Variants in KCNH8 observed in about 807,000 individuals in gnomAD.
The protein encoded by KCNH8 is potassium voltage-gated channel subfamily H member 8.
In KCNH8, 70 loss-of-function variants were observed where a neutral mutation model predicts 103.6. The observed-to-expected ratio is 0.68, with a 90% confidence interval of 0.56 to 0.82. The LOEUF (loss-of-function observed/expected upper bound fraction) is 0.82. Ranked by LOEUF, KCNH8 falls within the 40% of genes least tolerant of loss-of-function variation. The pLI, the probability that KCNH8 is intolerant of heterozygous loss-of-function variation, is 0.00. For synonymous variants in KCNH8, 498 were observed against 489.4 expected (o/e 1.02, Z -0.23); for missense variants, 1,217 against 1,329.9 (o/e 0.92, Z 1.32).
chr3:19,499,433 C>G (rs995697477), intron 11 of KCNH8, among the ~76,000 whole-genome samples: 20 of 152,202 alleles, frequency 1.3e-4, no homozygotes, highest in Admixed American at 5.9e-4. Flanking sequence ...TCAGGAAATA[C>G]AGAGAACACC....
chr3:19,181,999 G>T (rs1384478959), intron 1 of KCNH8, among the ~76,000 whole-genome samples: 1 of 151,990 alleles, frequency 6.6e-6, no homozygotes, highest in Non-Finnish European at 1.5e-5. Context: ...AAATTCCTGG[G>T]TATCTATAAC....
At chr3:19,151,372 G>A (rs2063127928) in intron 1 of KCNH8, among the ~76,000 whole-genome samples, 1 of 151,972 alleles carries the variant, frequency 6.6e-6, no homozygotes, top group Non-Finnish European at 1.5e-5. Context: ...GTAATATGCT[G>A]AGTTGGTATA....
chr3:19,494,078 G>A (rs902059427), intron 11 of KCNH8, among the ~76,000 whole-genome samples: 9 of 152,122 alleles, frequency 5.9e-5, no homozygotes, highest in Admixed American at 4.6e-4. Flanking sequence ...ACTTATAAGT[G>A]AGAACATGCA....
intron 5 of KCNH8, among the ~76,000 whole-genome samples, chr3:19,370,978 A>C (rs1309568690): frequency 6.6e-6 from 1 of 152,086 alleles, no homozygotes; most frequent in East Asian, 1.9e-4. Flanking sequence ...CATGGTGTAT[A>C]TGTGCCACAT....
chr3:19,467,338 C>T (rs1380109817), intron 11 of KCNH8, among the ~76,000 whole-genome samples: 1 of 151,810 alleles, frequency 6.6e-6, no homozygotes, highest in East Asian at 1.9e-4. Flanking sequence ...TGTGCACACA[C>T]ACAAATATAT....
intron 1 of KCNH8, among the ~76,000 whole-genome samples, chr3:19,240,297 A>G (rs2064121536): frequency 6.6e-6 from 1 of 152,054 alleles, no homozygotes; most frequent in Admixed American, 6.6e-5. Context: ...ATTTCTATCT[A>G]AGCATAGCTA....
At chr3:19,419,239 G>C (rs1289329715) in intron 7 of KCNH8, among the ~76,000 whole-genome samples, 1 of 125,698 alleles carries the variant, frequency 8.0e-6, no homozygotes, top group African/African-American at 3.0e-5. Flanking sequence ...TCGCTCTGTC[G>C]CCCAGGCTGG....
chr3:19,281,103 C>T (rs2064750915), intron 2 of KCNH8, 95 bp from the exon 3 acceptor site: 4 of 1,342,798 alleles, frequency 3.0e-6, no homozygotes, highest in Admixed American at 2.3e-5. Context: ...TTGAAGAAAA[C>T]ACTAAGGGCT....
chr3:19,438,881 AG>A (rs532618054), intron 8 of KCNH8, among the ~76,000 whole-genome samples: 208 of 152,294 alleles, frequency 1.4e-3, no homozygotes, highest in Non-Finnish European at 2.6e-3. Flanking sequence ...CTTTCAAATG[AG>A]GTATTAGGCA....
chr3:19,461,622 TAC>T (rs1442349632), intron 11 of KCNH8, among the ~76,000 whole-genome samples: 1 of 152,238 alleles, frequency 6.6e-6, no homozygotes, highest in East Asian at 1.9e-4. Context: ...AACTTATCTA[TAC>T]ATCCTTATTT....
At chr3:19,193,397 C>T (rs970683584) in intron 1 of KCNH8, among the ~76,000 whole-genome samples, 13 of 151,590 alleles carry the variant, frequency 8.6e-5, no homozygotes, top group African/African-American at 3.1e-4. Flanking sequence ...TTTCTCCCTG[C>T]TTCTCTTCAT....
rs537938833 is a variant in KCNH8, at chr3:19,508,509, A to G, written c.2041-1854A>G. On this transcript the variant is annotated intron_variant, in intron 11 of 15. Coordinates refer to ENST00000328405, the MANE Select transcript of KCNH8 (RefSeq NM_144633.3). ...CTTCTGCAGAATAGAGACTAAAAATACCTATATTATAGGATCACAGTGGGA... is the reference window on the plus strand; with the variant it reads ...CTTCTGCAGAATAGAGACTAAAAATGCCTATATTATAGGATCACAGTGGGA... Among the ~76,000 whole-genome samples the G allele has an allele frequency of 2.0e-5, 3 of 152,284 alleles. No individual in the cohort carries two copies. In the South Asian group the frequency reaches 6.2e-4, roughly 32 times the overall value.
At chr3:19,172,121 T>C (rs1186958914) in intron 1 of KCNH8, among the ~76,000 whole-genome samples, 3 of 152,228 alleles carry the variant, frequency 2.0e-5, no homozygotes, top group East Asian at 3.8e-4. Flanking sequence ...ATACTTTGAC[T>C]ACCTTCCTGG....
chr3:19,502,399 C>T (rs1259455528), intron 11 of KCNH8, among the ~76,000 whole-genome samples: 3 of 151,190 alleles, frequency 2.0e-5, no homozygotes, highest in Admixed American at 2.0e-4. Flanking sequence ...CAATGACTTT[C>T]TTCACAGAAT....
intron 5 of KCNH8, among the ~76,000 whole-genome samples, chr3:19,372,775 A>C (rs1373840544): frequency 4.6e-5 from 7 of 152,128 alleles, no homozygotes; most frequent in African/African-American, 1.4e-4. Context: ...TATTATTTTG[A>C]AATATGTCCC....
intron 15 of KCNH8, among the ~76,000 whole-genome samples, chr3:19,527,174 T>A (rs1253366095): frequency 3.9e-5 from 6 of 152,056 alleles, no homozygotes; most frequent in Non-Finnish European, 8.8e-5. Flanking sequence ...TGTTTCTACT[T>A]GCTACTGCGA....
chr3:19,427,411 C>G (rs758300095), intron 7 of KCNH8, among the ~76,000 whole-genome samples: 2 of 152,128 alleles, frequency 1.3e-5, no homozygotes, highest in African/African-American at 2.4e-5. Flanking sequence ...AATTAGAAGT[C>G]AAATGCCAAT....
intron 11 of KCNH8, among the ~76,000 whole-genome samples, chr3:19,465,642 G>C (rs190687567): frequency 1.3e-5 from 2 of 151,504 alleles, no homozygotes; most frequent in Non-Finnish European, 2.9e-5. Flanking sequence ...GATGGACCTG[G>C]ATGAATTAAG....
chr3:19,458,348 A>G (rs1311974916), intron 11 of KCNH8, among the ~76,000 whole-genome samples: 1 of 151,956 alleles, frequency 6.6e-6, no homozygotes, highest in Admixed American at 6.6e-5. Flanking sequence ...AAGGTGAGTT[A>G]GGGGGTGGAA....
Sources: gnomAD v4.1 joint callset for allele counts (sites outside exome capture counted in the v4.1 genomes callset) on GRCh38, gnomAD v4.1.1 for gene constraint, MANE v1.5 for transcripts, NCBI Gene and HGNC (gene_info 2026-07-23, HGNC 2026-07-21) for gene names.